MAD1L1: variants seen among roughly 807,000 people sequenced by gnomAD.
MAD1L1 encodes mitotic spindle assembly checkpoint protein MAD1.
In MAD1L1, 95 loss-of-function variants were observed where a neutral mutation model predicts 96.9. The observed-to-expected ratio is 0.98, with a 90% CI of 0.83 to 1.16. The LOEUF is 1.16. Ranked by LOEUF, MAD1L1 falls within the 50% of genes most tolerant of loss-of-function variation. MAD1L1 has a pLI of 0.00. For synonymous variants in MAD1L1, 473 were observed against 396.6 expected (o/e 1.19, Z -2.29); for missense variants, 1,007 against 954.4 (o/e 1.06, Z -0.73).
intron 17 of MAD1L1, among the ~76,000 whole-genome samples, chr7:1,913,218 A>G (rs893224234): frequency 1.3e-5 from 2 of 152,032 alleles, no homozygotes; most frequent in Non-Finnish European, 1.5e-5. Flanking sequence ...ACTCGGGAAG[A>G]GGACACGGAA....
At chr7:1,847,222 A>G (rs1225957119) in intron 18 of MAD1L1, 1 of 469,914 alleles carries the variant, frequency 2.1e-6, no homozygotes, top group Admixed American at 2.4e-5. Flanking sequence ...ATCTTTTCCA[A>G]CTGACGCTTG....
At chr7:1,832,630 T>TTTGGGGGGGGGGGGGG (rs56664541) in intron 18 of MAD1L1, among the ~76,000 whole-genome samples, 1 of 2,346 alleles carries the variant, frequency 4.3e-4, no homozygotes, top group Non-Finnish European at 8.3e-4. Context: ...TTTTTTTTTT[T>TTTGGGGGGGGGGGGGG]GGCGGGGGGG....
At chr7:1,981,262 C>T (rs1393270493) in intron 14 of MAD1L1, among the ~76,000 whole-genome samples, 2 of 152,318 alleles carry the variant, frequency 1.3e-5, no homozygotes, top group South Asian at 4.1e-4. Flanking sequence ...CCGGTGTGCC[C>T]GGCCAGGAGT....
chr7:2,016,851 T>C (rs1442061805), intron 12 of MAD1L1, among the ~76,000 whole-genome samples: 1 of 152,288 alleles, frequency 6.6e-6, no homozygotes, highest in East Asian at 1.9e-4. Context: ...AGGTTTATCG[T>C]GTGTCATAAT....
rs192449099 is a variant in MAD1L1, at chr7:1,940,705, C to T, written c.1597-3808G>A. On this transcript the variant is annotated intron_variant, in intron 16 of 18. Coordinates refer to ENST00000265854, the MANE Select transcript of MAD1L1 (RefSeq NM_001013836.2). Reference sequence around the variant, plus strand: ...GGGCACACAAGGCCAGCATGGGCCCCGCTGACGGAGCTGCGGGCACGGAAA... The same window carrying T: ...GGGCACACAAGGCCAGCATGGGCCCTGCTGACGGAGCTGCGGGCACGGAAA... Among the ~76,000 whole-genome samples the T allele has an allele frequency of 5.2e-3, 788 of 152,352 alleles. 2 individuals are homozygous for T. The highest frequency in any genetic ancestry group is 6.9e-3 in the Non-Finnish European group (470 of 68,040).
rs766600880 is a variant in MAD1L1 at position 1,907,971 on chromosome 7, G to A, written c.1808-9581C>T. ...GTGTGCGGCCCCCTCAGGAGACAGC[G>A]GCCCGTGACCCCAGAGCTCAGGAGT... On this transcript the variant is annotated intron_variant, in intron 17 of 18. Coordinates refer to ENST00000265854, the MANE Select transcript of MAD1L1 (RefSeq NM_001013836.2). 3.3e-5 allele frequency among the ~76,000 whole-genome samples: 5 copies of A among 152,340 alleles called. No individual in the cohort carries two copies. The South Asian group carries it at 6.2e-4, about 19-fold the overall frequency.
intron 10 of MAD1L1, among the ~76,000 whole-genome samples, chr7:2,197,623 G>A (rs1023916138): frequency 6.6e-6 from 1 of 152,164 alleles, no homozygotes; most frequent in Non-Finnish European, 1.5e-5. Context: ...TGAGGCACTG[G>A]CCCTCAGGCT....
chr7:1,853,200 A>T (rs1583560955), intron 18 of MAD1L1, among the ~76,000 whole-genome samples: 1 of 152,262 alleles, frequency 6.6e-6, no homozygotes, highest in South Asian at 2.1e-4. Flanking sequence ...TCAGTCCACC[A>T]CCACCTTCTA....
intron 16 of MAD1L1, among the ~76,000 whole-genome samples, chr7:1,941,834 G>A (rs1047710643): frequency 6.6e-6 from 1 of 152,108 alleles, no homozygotes; most frequent in East Asian, 1.9e-4. Context: ...GTGGCGTGGA[G>A]AACCCACCTC....
chr7:1,903,342 C>T (rs560146927), intron 17 of MAD1L1, among the ~76,000 whole-genome samples: 51 of 146,190 alleles, frequency 3.5e-4, no homozygotes, highest in Middle Eastern at 4.1e-3. Flanking sequence ...GACACTCTTG[C>T]GGAACTCATG....
At chr7:1,843,888 C>T (rs1379167851) in intron 18 of MAD1L1, among the ~76,000 whole-genome samples, 1 of 152,258 alleles carries the variant, frequency 6.6e-6, no homozygotes, top group East Asian at 1.9e-4. Context: ...CGGCTGTCAG[C>T]CTCTGAATCT....
At chr7:1,830,425 C>T (rs2128626421) in intron 18 of MAD1L1, among the ~76,000 whole-genome samples, 1 of 152,212 alleles carries the variant, frequency 6.6e-6, no homozygotes, top group East Asian at 1.9e-4. Flanking sequence ...TAAAAACAAA[C>T]ATGGGCCTAC....
chr7:1,934,129 C>A (rs1056621887), intron 17 of MAD1L1, among the ~76,000 whole-genome samples: 3 of 152,230 alleles, frequency 2.0e-5, no homozygotes, highest in Non-Finnish European at 2.9e-5. Flanking sequence ...GGGGCCTGGA[C>A]GCCCGACCCA....
intron 17 of MAD1L1, among the ~76,000 whole-genome samples, chr7:1,915,240 T>G (rs1788301757): frequency 6.6e-6 from 1 of 151,828 alleles, no homozygotes; most frequent in African/African-American, 2.4e-5. Flanking sequence ...GGGAAACAGA[T>G]AAAAAATAAA....
At chr7:2,215,580 C>T (rs917741532) in intron 9 of MAD1L1, among the ~76,000 whole-genome samples, 1 of 152,072 alleles carries the variant, frequency 6.6e-6, no homozygotes, top group Non-Finnish European at 1.5e-5. Context: ...CCTCCATCTC[C>T]ACACCCAGCA....
At chr7:1,844,887 G>C (rs539777870) in intron 18 of MAD1L1, among the ~76,000 whole-genome samples, 2 of 152,348 alleles carry the variant, frequency 1.3e-5, no homozygotes, top group Non-Finnish European at 1.5e-5. Flanking sequence ...AGCCTGCCTC[G>C]CACAGCTGCT....
intron 17 of MAD1L1, among the ~76,000 whole-genome samples, chr7:1,917,265 G>A (rs760307074): frequency 3.9e-5 from 6 of 152,188 alleles, no homozygotes; most frequent in Non-Finnish European, 7.3e-5. Flanking sequence ...TGGGCCTCCC[G>A]CTCGGCTGCC....
At chr7:2,130,139 T>C (rs999782505) in intron 11 of MAD1L1, among the ~76,000 whole-genome samples, 1 of 152,240 alleles carries the variant, frequency 6.6e-6, no homozygotes, top group Non-Finnish European at 1.5e-5. Flanking sequence ...AATGCCCTCC[T>C]CTTGGATTTC....
In MAD1L1 at chr7:1,928,654, C is replaced by T. The variant is rs144169725; in HGVS notation, c.1807+8033G>A. On this transcript the variant is annotated intron_variant, in intron 17 of 18. Coordinates refer to ENST00000265854, the MANE Select transcript of MAD1L1 (RefSeq NM_001013836.2). ...AGGGCTGGAGCCCCTGCACCCCCAT[C>T]CCATTTGAACCGCTCAGCTGTCGGC... Among the ~76,000 whole-genome samples, 95 of 152,374 alleles carry T rather than the reference C, an allele frequency of 6.2e-4. 1 individual carries two copies. The East Asian group carries it at 0.011, about 18-fold the overall frequency.
Sources: allele counts gnomAD v4.1 joint callset (sites outside exome capture counted in the v4.1 genomes callset), GRCh38; gene constraint gnomAD v4.1.1; transcripts MANE v1.5; gene names NCBI Gene and HGNC (gene_info 2026-07-23, HGNC 2026-07-21).